The following RNF150 variants were observed in gnomAD, a reference collection of about 807,000 sequenced individuals.
RNF150 encodes the protein ring finger protein 150.
Under a neutral mutation model 39.3 loss-of-function variants are expected in RNF150, and 24 were observed. That is an observed-to-expected ratio of 0.61 (90% CI 0.44 to 0.86). RNF150 has a LOEUF of 0.86. Ranked by LOEUF, RNF150 falls within the 40% of genes least tolerant of loss-of-function variation. The probability of loss-of-function intolerance (pLI) is 0.00; values close to 1 mark genes in which losing one functional copy is unlikely to be tolerated. For missense variants in RNF150, 502 were observed against 587.8 expected (o/e 0.85, Z 1.51); for synonymous variants, 255 against 227.3 (o/e 1.12, Z -1.10).
intron 1 of RNF150, among the ~76,000 whole-genome samples, chr4:141,102,910 T>C (rs1334224300): frequency 3.3e-5 from 5 of 152,198 alleles, no homozygotes; most frequent in Non-Finnish European, 4.4e-5. Context: ...AAATGGAGCC[T>C]GGAGGGGCCA....
chr4:140,884,206 T>C (rs886597932), intron 6 of RNF150, among the ~76,000 whole-genome samples: 5 of 152,192 alleles, frequency 3.3e-5, no homozygotes, highest in Non-Finnish European at 5.9e-5. Flanking sequence ...TCCAGCTGTC[T>C]ATCTGTGCTC....
intron 1 of RNF150, among the ~76,000 whole-genome samples, chr4:140,990,824 G>T (rs1007609638): frequency 1.3e-5 from 2 of 151,906 alleles, no homozygotes; most frequent in Non-Finnish European, 2.9e-5. Context: ...TTAATAGCAT[G>T]ATTTATATTC....
chr4:140,970,243 T>A (rs1038112654), intron 1 of RNF150, among the ~76,000 whole-genome samples: 4 of 152,188 alleles, frequency 2.6e-5, no homozygotes, highest in African/African-American at 9.6e-5. Context: ...AATCTTCGAT[T>A]TAATAACAAT....
intron 1 of RNF150, among the ~76,000 whole-genome samples, chr4:141,145,475 T>C (rs1227404564): frequency 2.6e-5 from 4 of 152,248 alleles, no homozygotes; most frequent in Non-Finnish European, 5.9e-5. Context: ...TAACTGAATA[T>C]ACATAGATCA....
chr4:141,016,184 G>A (rs757588740), intron 1 of RNF150, among the ~76,000 whole-genome samples: 9 of 152,006 alleles, frequency 5.9e-5, no homozygotes, highest in South Asian at 2.1e-4. Context: ...AGCCCTTAAC[G>A]TTGTGTTTCC....
At chr4:141,160,052 T>C (rs1727484509) in intron 1 of RNF150, among the ~76,000 whole-genome samples, 1 of 152,174 alleles carries the variant, frequency 6.6e-6, no homozygotes, top group Admixed American at 6.6e-5. Flanking sequence ...TGGGGTCACC[T>C]GGCACCTGGT....
chr4:140,996,634 C>T (rs1367537170), intron 1 of RNF150, among the ~76,000 whole-genome samples: 1 of 152,068 alleles, frequency 6.6e-6, no homozygotes, highest in African/African-American at 2.4e-5. Context: ...TCCTGTTAAA[C>T]GTTACGAAAA....
chr4:141,191,132 C>T (rs1374290019), intron 1 of RNF150, among the ~76,000 whole-genome samples: 3 of 152,186 alleles, frequency 2.0e-5, no homozygotes, highest in Admixed American at 2.0e-4. Flanking sequence ...TCACTGGTGT[C>T]AGCTGTGAAG....
intron 2 of RNF150, among the ~76,000 whole-genome samples, chr4:140,964,508 T>TG (rs1247779373): frequency 2.6e-5 from 4 of 151,874 alleles, no homozygotes; most frequent in Non-Finnish European, 4.4e-5. Flanking sequence ...ATTTCCAATA[T>TG]GAAAAAATGA....
chr4:141,207,057 T>C (rs1367055541), intron 1 of RNF150, among the ~76,000 whole-genome samples: 1 of 152,162 alleles, frequency 6.6e-6, no homozygotes, highest in African/African-American at 2.4e-5. Context: ...CTAGCCATGC[T>C]GGCAGCCTGT....
At chr4:141,074,604 G>C (rs1737827833) in intron 1 of RNF150, among the ~76,000 whole-genome samples, 1 of 152,078 alleles carries the variant, frequency 6.6e-6, no homozygotes, top group African/African-American at 2.4e-5. Context: ...CCAGAGGCTA[G>C]GACTGGTCTG....
In RNF150 at chr4:140,867,937, A is replaced by G. The variant is rs1728776725; in HGVS notation, c.*324T>C. On this transcript the variant is annotated 3_prime_UTR_variant, in exon 7 of 7. Transcript: ENST00000515673. ...ACAAGAATGATGAGACATGGAAAGA[A>G]TTGAAATGAAACTAAGAAATCCTAA... 1 of 235,744 alleles carries G rather than the reference A, an allele frequency of 4.2e-6. No homozygotes were observed. The highest frequency in any genetic ancestry group is 8.1e-6 in the Non-Finnish European group (1 of 123,188). The allele number at this position is 235,744 out of a possible 1,614,324, so 14.6% of individuals were successfully genotyped here. A position where few individuals can be genotyped will look rare whatever the true frequency, so the allele number is the denominator to read the frequency against.
chr4:141,178,176 A>G (rs574120756), intron 1 of RNF150, among the ~76,000 whole-genome samples: 2 of 152,238 alleles, frequency 1.3e-5, no homozygotes, highest in South Asian at 4.1e-4. Flanking sequence ...TTTTAGGAGG[A>G]TAAGGACTGA....
chr4:141,080,806 C>G (rs963168307), intron 1 of RNF150, among the ~76,000 whole-genome samples: 3 of 152,096 alleles, frequency 2.0e-5, no homozygotes, highest in South Asian at 2.1e-4. Flanking sequence ...CTGCACATGT[C>G]CCCCAGGGAA....
At chr4:141,119,412 C>T (rs1413096964) in intron 1 of RNF150, among the ~76,000 whole-genome samples, 1 of 152,200 alleles carries the variant, frequency 6.6e-6, no homozygotes, top group Non-Finnish European at 1.5e-5. Flanking sequence ...ACAGTCAGGG[C>T]CCCTTGAGGC....
chr4:141,159,807 G>T (rs1012573646), intron 1 of RNF150, among the ~76,000 whole-genome samples: 1 of 152,160 alleles, frequency 6.6e-6, no homozygotes, highest in Non-Finnish European at 1.5e-5. Context: ...GCCTCCCAAA[G>T]TGTTGGGATT....
intron 1 of RNF150, among the ~76,000 whole-genome samples, chr4:141,115,631 T>TA (rs1393265110): frequency 6.6e-6 from 1 of 151,864 alleles, no homozygotes; most frequent in African/African-American, 2.4e-5. Context: ...AGAATTAAAA[T>TA]AAAAAACTAC....
chr4:141,001,101 T>C (rs544075982), intron 1 of RNF150, among the ~76,000 whole-genome samples: 1 of 152,302 alleles, frequency 6.6e-6, no homozygotes, highest in East Asian at 1.9e-4. Context: ...AAGCCAGATA[T>C]TTCCCATATC....
upstream of RNF150, among the ~76,000 whole-genome samples, chr4:141,135,851 G>A (rs1221598771): frequency 6.6e-6 from 1 of 152,178 alleles, no homozygotes; most frequent in Non-Finnish European, 1.5e-5. Context: ...AGTTGAGCAG[G>A]TGATCATGGT....
Sources: gnomAD v4.1 joint callset for allele counts (sites outside exome capture counted in the v4.1 genomes callset) on GRCh38, gnomAD v4.1.1 for gene constraint, MANE v1.5 for transcripts, NCBI Gene and HGNC (gene_info 2026-07-23, HGNC 2026-07-21) for gene names.